Variants in GXYLT1 observed in about 807,000 individuals in gnomAD.
The protein encoded by GXYLT1 is glycosyltransferase 8 domain containing 3.
A neutral mutation model predicts 54.0 loss-of-function variants in GXYLT1; 29 were observed. The observed-to-expected ratio is 0.54, with a 90% CI of 0.40 to 0.73. The LOEUF (loss-of-function observed/expected upper bound fraction) is 0.73, where lower values mean the gene tolerates loss of function less well. Ranked by LOEUF, GXYLT1 falls within the 30% of genes least tolerant of loss-of-function variation. GXYLT1 has a pLI of 0.00. For missense variants in GXYLT1, 490 were observed against 553.4 expected (o/e 0.89, Z 1.15); for synonymous variants, 176 against 204.1 (o/e 0.86, Z 1.17).
At chr12:42,088,062 G>A (rs955275005) in intron 7 of GXYLT1, 115 bp from the exon 8 acceptor site, 61 of 481,672 alleles carry the variant, frequency 1.3e-4, no homozygotes, top group Admixed American at 2.0e-4. Flanking sequence ...TCCATTTAAC[G>A]TCTCACAGAA....
chr12:42,109,760 G>T, intron 3 of GXYLT1, 69 bp from the exon 4 acceptor site: 1 of 1,037,500 alleles, frequency 9.6e-7, no homozygotes, highest in Non-Finnish European at 1.4e-6. Flanking sequence ...TAAAACAACA[G>T]ATTATAAAAC....
At position 42,097,611 on chromosome 12, in the gene GXYLT1, C is replaced by G. The variant is rs1228112576; in HGVS notation, c.992G>C (p.Ser331Thr). The change falls in exon 7 of 8, where the codon AGC becomes ACC. Residue 331 changes from serine to threonine, a missense_variant. Ser to Thr is a moderately conservative substitution (Grantham distance 58). Transcript: ENST00000398675. ...LNIVFFHNPE[S>T]LFVFPCQWNY... The stretch of plus-strand genomic sequence containing the variant: ...CCATTGACACGGAAAAACAAAAAGG[C>G]TTTCTACATAAAGAAAAGACCAAAC... The G allele has an allele frequency of 1.2e-6, 2 of 1,604,666 alleles. No individual in the cohort carries two copies. Among genetic ancestry groups the G allele is most frequent in the Non-Finnish European group, 1.7e-6 (2 of 1,177,372 alleles).
intron 3 of GXYLT1, among the ~76,000 whole-genome samples, chr12:42,117,113 C>T (rs2065500571): frequency 7.7e-6 from 1 of 130,088 alleles, no homozygotes; most frequent in Admixed American, 9.3e-5. Flanking sequence ...GAACATCACA[C>T]ATCGGGGACT....
chr12:42,137,503 C>CAAAAAA (rs34628599), intron 1 of GXYLT1, among the ~76,000 whole-genome samples: 4 of 71,656 alleles, frequency 5.6e-5, no homozygotes, highest in Non-Finnish European at 7.5e-5. Flanking sequence ...GCATCTGTTT[C>CAAAAAA]AAAAAAAAAA....
chr12:42,143,091 T>C (rs1481345948), intron 1 of GXYLT1, among the ~76,000 whole-genome samples: 2 of 152,208 alleles, frequency 1.3e-5, no homozygotes, highest in Non-Finnish European at 2.9e-5. Context: ...TTTGTAAATT[T>C]CTGTCACAAA....
At chr12:42,117,360 T>C (rs772417316) in intron 3 of GXYLT1, among the ~76,000 whole-genome samples, 53 of 151,988 alleles carry the variant, frequency 3.5e-4, no homozygotes, top group Admixed American at 1.1e-3. Context: ...ACTAAAAATA[T>C]TTTTAAACAG....
chr12:42,111,644 G>C (rs12302688), intron 3 of GXYLT1, among the ~76,000 whole-genome samples: 1 of 152,342 alleles, frequency 6.6e-6, no homozygotes, highest in East Asian at 1.9e-4. Flanking sequence ...CAGGAAGCTC[G>C]AACTGGGTGG....
intron 2 of GXYLT1, among the ~76,000 whole-genome samples, chr12:42,121,102 G>A (rs2065528318): frequency 6.6e-6 from 1 of 152,154 alleles, no homozygotes; most frequent in Non-Finnish European, 1.5e-5. Flanking sequence ...ACAATTTTTA[G>A]AGAATTCTAA....
At chr12:42,098,786 A>T (rs201244640) in intron 5 of GXYLT1, among the ~76,000 whole-genome samples, 4 of 52,276 alleles carry the variant, frequency 7.7e-5, no homozygotes, top group Admixed American at 1.9e-4. Context: ...TATATATATA[A>T]TACATGTGTG....
chr12:42,142,357 G>A (rs2065656506), intron 1 of GXYLT1, among the ~76,000 whole-genome samples: 1 of 144,214 alleles, frequency 6.9e-6, no homozygotes, highest in Non-Finnish European at 1.5e-5. Context: ...TTTTTTTTGA[G>A]ACAGGATCTT....
chr12:42,083,831 T>A lies in GXYLT1; in HGVS notation c.*3955A>T, dbSNP rs1467580067. ...CACATTCCTTGGCCCCCTTCAGACC[T>A]AATGAAGCAGTCCCCTCCACTTCCA... On this transcript the variant is annotated 3_prime_UTR_variant, in exon 8 of 8. Coordinates refer to ENST00000398675, the MANE Select transcript of GXYLT1 (RefSeq NM_173601.2). The A allele has an allele frequency of 6.6e-6, 1 of 152,192 alleles. No individual in the cohort carries two copies. The allele number at this position is 152,192 out of a possible 1,614,324, so 9.4% of individuals were successfully genotyped here. A position where few individuals can be genotyped will look rare whatever the true frequency, so the allele number is the denominator to read the frequency against.
chr12:42,135,065 A>G (rs1170154124), intron 1 of GXYLT1, among the ~76,000 whole-genome samples: 1 of 152,218 alleles, frequency 6.6e-6, no homozygotes, highest in Non-Finnish European at 1.5e-5. Flanking sequence ...ATATCCCTGC[A>G]TCATTTATTG....
chr12:42,097,576 G>A lies in GXYLT1; in HGVS notation c.1027C>T (p.Pro343Ser), dbSNP rs747871804. 4 of 1,607,272 alleles carry A rather than the reference G, an allele frequency of 2.5e-6. No homozygotes were observed. The African/African-American group carries it at 4.0e-5, about 16-fold the overall frequency. The part of the protein sequence containing the change: ...FVFPCQWNYR[P>S]DHCIYGSNCQ... Reference sequence around the variant, plus strand: ...TTGCTTCCATATATACAATGATCTGGTCGATAATTCCATTGACACGGAAAA... The same window carrying A: ...TTGCTTCCATATATACAATGATCTGATCGATAATTCCATTGACACGGAAAA... Residue 343 changes from proline to serine, a missense_variant, in exon 7 of 8, where the codon CCA (proline) becomes TCA (serine). Physicochemically the swap from Pro to Ser is moderately conservative, Grantham distance 74 (BLOSUM62 -1). This residue lies in a region of GXYLT1 where 342 missense variants were observed against 342.6 expected (regional missense o/e 1.00). Coordinates refer to ENST00000398675, the MANE Select transcript of GXYLT1 (RefSeq NM_173601.2).
At chr12:42,097,719 T>A in intron 6 of GXYLT1, 105 bp from the exon 7 acceptor site, 1 of 1,162,660 alleles carries the variant, frequency 8.6e-7, no homozygotes, top group Non-Finnish European at 1.2e-6. Context: ...CAAGTAAGAA[T>A]TAATGAAAAA....
intron 7 of GXYLT1, among the ~76,000 whole-genome samples, chr12:42,091,999 G>A (rs1414523336): frequency 1.3e-5 from 2 of 152,022 alleles, no homozygotes; most frequent in Admixed American, 6.6e-5. Context: ...CCACCCACCT[G>A]GAAAACTCTT....
chr12:42,094,955 T>C (rs2065347590), intron 7 of GXYLT1, among the ~76,000 whole-genome samples: 1 of 152,112 alleles, frequency 6.6e-6, no homozygotes, highest in South Asian at 2.1e-4. Flanking sequence ...TATGTTTCAT[T>C]AGTTATTTTT....
At chr12:42,116,169 T>C (rs1289726681) in intron 3 of GXYLT1, among the ~76,000 whole-genome samples, 1 of 151,802 alleles carries the variant, frequency 6.6e-6, no homozygotes, top group Non-Finnish European at 1.5e-5. Flanking sequence ...CCTAAAACCA[T>C]AAAAACCCTA....
intron 7 of GXYLT1, among the ~76,000 whole-genome samples, chr12:42,090,653 T>C (rs1235545956): frequency 1.3e-5 from 2 of 152,202 alleles, no homozygotes; most frequent in Non-Finnish European, 2.9e-5. Flanking sequence ...TAGTACATCT[T>C]TGGAAAATAC....
chr12:42,102,085 CCTATGACCAAATACATGTATGTTA>C (rs1293541787), intron 5 of GXYLT1, among the ~76,000 whole-genome samples: 4 of 152,086 alleles, frequency 2.6e-5, no homozygotes, highest in Non-Finnish European at 4.4e-5. Flanking sequence ...ATTTAGCAAA[CCTATGACCAAATACATGTATGTTA>C]CATCAAGATC....
Sources: gnomAD v4.1 joint callset for allele counts (sites outside exome capture counted in the v4.1 genomes callset) on GRCh38, gnomAD v4.1.1 for gene constraint, gnomAD v4.1.1 regional missense constraint, MANE v1.5 for transcripts, NCBI Gene and HGNC (gene_info 2026-07-23, HGNC 2026-07-21) for gene names.